Variants in FRMD4A observed in about 807,000 individuals in gnomAD.
FRMD4A encodes FERM domain containing 4A.
Under a neutral mutation model 129.1 loss-of-function variants are expected in FRMD4A, and 29 were observed. That is an observed-to-expected ratio of 0.22 (90% CI 0.17 to 0.31). FRMD4A has a LOEUF of 0.31. Ranked by LOEUF, FRMD4A falls within the 10% of genes least tolerant of loss-of-function variation. FRMD4A has a pLI of 1.00. For synonymous variants in FRMD4A, 634 were observed against 571.6 expected, an observed-to-expected ratio of 1.11 and a Z score of -1.56; for missense variants, 1,272 against 1,375.8, an observed-to-expected ratio of 0.92 and a Z score of 1.19.
intron 15 of FRMD4A, among the ~76,000 whole-genome samples, chr10:13,677,581 A>G (rs1284314665): frequency 1.3e-5 from 2 of 152,226 alleles, no homozygotes; most frequent in East Asian, 3.9e-4. Flanking sequence ...ATATTCACAC[A>G]GCACATCGCT....
intron 2 of FRMD4A, among the ~76,000 whole-genome samples, chr10:14,238,273 C>T (rs190598081): frequency 4.2e-4 from 64 of 152,314 alleles, no homozygotes; most frequent in African/African-American, 1.3e-3. Context: ...GAAGTAGAGA[C>T]TTATTTAGAT....
At chr10:13,964,884 C>A (rs1439018911) in intron 2 of FRMD4A, among the ~76,000 whole-genome samples, 1 of 151,994 alleles carries the variant, frequency 6.6e-6, no homozygotes, top group Non-Finnish European at 1.5e-5. Flanking sequence ...TGGGGTTTCA[C>A]CATGTTGGCC....
intron 2 of FRMD4A, among the ~76,000 whole-genome samples, chr10:14,227,475 C>T (rs1843484663): frequency 6.6e-6 from 1 of 151,764 alleles, no homozygotes; most frequent in African/African-American, 2.4e-5. Flanking sequence ...TGGTCTTGAA[C>T]CCCTGACCTC....
chr10:14,094,551 A>G (rs986593955), intron 2 of FRMD4A, among the ~76,000 whole-genome samples: 3 of 152,002 alleles, frequency 2.0e-5, no homozygotes, highest in Non-Finnish European at 4.4e-5. Context: ...TTCCTCCAAC[A>G]CCCAAACAGA....
chr10:14,301,430 A>T (rs1039204107), intron 2 of FRMD4A, among the ~76,000 whole-genome samples: 3 of 152,210 alleles, frequency 2.0e-5, no homozygotes, highest in African/African-American at 7.2e-5. Flanking sequence ...ACAGGTGCTG[A>T]TAGAGGAAAC....
chr10:13,803,702 A>C (rs2093304616), intron 4 of FRMD4A, among the ~76,000 whole-genome samples: 1 of 152,184 alleles, frequency 6.6e-6, no homozygotes, highest in South Asian at 2.1e-4. Flanking sequence ...CTACAAACAC[A>C]AGCTCAACAA....
At chr10:13,953,930 G>C (rs1410169368) in intron 2 of FRMD4A, among the ~76,000 whole-genome samples, 1 of 152,144 alleles carries the variant, frequency 6.6e-6, no homozygotes, top group Non-Finnish European at 1.5e-5. Context: ...CTTTTTTAAA[G>C]TTTAAGAACT....
chr10:14,088,544 A>C (rs2131746739), intron 2 of FRMD4A, among the ~76,000 whole-genome samples: 1 of 152,090 alleles, frequency 6.6e-6, no homozygotes, highest in East Asian at 1.9e-4. Flanking sequence ...AGGCTGGTGG[A>C]TCACCTAAGG....
Position 14,209,467 on chromosome 10 carries a change from T to A in FRMD4A, c.45+120591A>T, listed in dbSNP as rs546111320. On this transcript the variant is annotated intron_variant, in intron 2 of 24. Coordinates refer to ENST00000357447, the MANE Select transcript of FRMD4A (RefSeq NM_018027.5). ...ACAAGAGTCCTCATAAGGAAAGTGGTGGGCATGGTGGCTCACGCCTGTAAT... is the reference window on the plus strand; with the variant it reads ...ACAAGAGTCCTCATAAGGAAAGTGGAGGGCATGGTGGCTCACGCCTGTAAT... Among the ~76,000 whole-genome samples the A allele has an allele frequency of 1.4e-4, 22 of 152,174 alleles. No individual in the cohort carries two copies. In the South Asian group the frequency reaches 4.6e-3, roughly 32 times the overall value.
chr10:13,870,156 GAGAGCAGCCCTTGGGC>G (rs2131080809), intron 2 of FRMD4A, among the ~76,000 whole-genome samples: 1 of 152,376 alleles, frequency 6.6e-6, no homozygotes, highest in East Asian at 1.9e-4. Flanking sequence ...ATGGGTGGCA[GAGAGCAGCCCTTGGGC>G]AGATCTGGAC....
intron 1 of FRMD4A, 74 bp downstream of exon 1, chr10:14,330,523 C>A: frequency 2.5e-6 from 1 of 404,484 alleles, no homozygotes; most frequent in Non-Finnish European, 4.4e-6. Flanking sequence ...ATAAATCAAG[C>A]AGCCCGAGCC....
intron 2 of FRMD4A, among the ~76,000 whole-genome samples, chr10:14,152,738 G>A (rs543799255): frequency 6.6e-6 from 1 of 152,286 alleles, no homozygotes; most frequent in South Asian, 2.1e-4. Context: ...TACTCAGGAG[G>A]CTGAGGAGGG....
intron 2 of FRMD4A, among the ~76,000 whole-genome samples, chr10:14,131,530 C>A (rs1419467538): frequency 2.6e-5 from 4 of 152,154 alleles, no homozygotes; most frequent in African/African-American, 9.7e-5. Flanking sequence ...ACATGAACAA[C>A]ACAGACAGCA....
At chr10:14,229,735 G>A (rs969876821) in intron 2 of FRMD4A, among the ~76,000 whole-genome samples, 2 of 152,068 alleles carry the variant, frequency 1.3e-5, no homozygotes, top group Non-Finnish European at 2.9e-5. Context: ...TACTGAACCC[G>A]ACAACCCACA....
intron 12 of FRMD4A, among the ~76,000 whole-genome samples, chr10:13,730,584 G>C: frequency 6.6e-6 from 1 of 152,076 alleles, no homozygotes; most frequent in East Asian, 1.9e-4. Flanking sequence ...ATTGTCTCCT[G>C]AGCCCAGTAG....
At chr10:13,953,943 G>T (rs148326108) in intron 2 of FRMD4A, among the ~76,000 whole-genome samples, 2 of 152,236 alleles carry the variant, frequency 1.3e-5, no homozygotes, top group East Asian at 1.9e-4. Context: ...TAAGAACTCA[G>T]CATCATCATC....
chr10:14,259,013 G>C (rs1420494311), intron 2 of FRMD4A, among the ~76,000 whole-genome samples: 1 of 152,120 alleles, frequency 6.6e-6, no homozygotes, highest in Admixed American at 6.5e-5. Context: ...GGGTGTGAGG[G>C]AGGGATTACA....
chr10:13,888,372 C>G (rs772776675), intron 2 of FRMD4A, among the ~76,000 whole-genome samples: 8 of 152,168 alleles, frequency 5.3e-5, no homozygotes, highest in Non-Finnish European at 1.0e-4. Context: ...TCAGAGACAT[C>G]CAACATCTTT....
chr10:13,715,337 C>G (rs780208913), intron 12 of FRMD4A, among the ~76,000 whole-genome samples: 8 of 152,122 alleles, frequency 5.3e-5, no homozygotes, highest in Non-Finnish European at 1.0e-4. Flanking sequence ...GAATGTCAAG[C>G]TGCAATTCTT....
Sources: gnomAD v4.1 joint callset for allele counts (sites outside exome capture counted in the v4.1 genomes callset) on GRCh38, gnomAD v4.1.1 for gene constraint, MANE v1.5 for transcripts, NCBI Gene and HGNC (gene_info 2026-07-23, HGNC 2026-07-21) for gene names.